Variants in CABCOCO1 observed in about 807,000 individuals in gnomAD.
CABCOCO1 encodes the protein ciliary-associated calcium-binding coiled-coil protein 1.
Under a neutral mutation model 35.7 loss-of-function variants are expected in CABCOCO1, and 28 were observed. That is an observed-to-expected ratio of 0.78 (90% CI 0.58 to 1.07). The LOEUF is 1.07. Among genes scored for constraint, CABCOCO1 ranks in the 50% least tolerant of loss-of-function variants. CABCOCO1 has a pLI of 0.00. For missense variants in CABCOCO1, 326 were observed against 309.2 expected (o/e 1.05, Z -0.41); for synonymous variants, 95 against 100.1 (o/e 0.95, Z 0.30).
Position 61,744,492 on chromosome 10 carries a change from C to T in CABCOCO1, c.553-15567C>T, listed in dbSNP as rs532130522. On this transcript the variant is annotated intron_variant, in intron 5 of 7. Coordinates refer to ENST00000648843, the MANE Select transcript of CABCOCO1 (RefSeq NM_001366906.2). ...TGTTTAAGCAAATGAACAAACATAG[C>T]ATCATTTTAATCAGGGTCATCAAGC... 1.7e-4 allele frequency among the ~76,000 whole-genome samples: 26 copies of T among 152,228 alleles called. No homozygotes were observed. The South Asian group carries it at 5.0e-3, about 29-fold the overall frequency.
rs1589161744 is a variant in CABCOCO1, at chr10:61,766,093, C to T, written c.*80C>T. 1.0e-5 allele frequency: 13 copies of T among 1,275,562 alleles called. No individual in the cohort carries two copies. Among genetic ancestry groups the T allele is most frequent in the Middle Eastern group, 1.9e-4 (1 of 5,240 alleles). The allele number at this position is 1,275,562 out of a possible 1,614,324, so 79.0% of individuals were successfully genotyped here. A position where few individuals can be genotyped will look rare whatever the true frequency, so the allele number is the denominator to read the frequency against. On this transcript the variant is annotated 3_prime_UTR_variant, in exon 8 of 8. Coordinates refer to ENST00000648843, the MANE Select transcript of CABCOCO1 (RefSeq NM_001366906.2). ...CAGAATAACAGACTCTCTGGAGCGT[C>T]GTGTCTCCATCACTTAGTTGTGAAA...
At chr10:61,692,506 C>A (rs534968175) in intron 5 of CABCOCO1, among the ~76,000 whole-genome samples, 14 of 152,234 alleles carry the variant, frequency 9.2e-5, no homozygotes, top group African/African-American at 3.1e-4. Context: ...TGGCCATAAT[C>A]AGAAATAAAC....
At chr10:61,717,156 C>G (rs1840887935) in intron 5 of CABCOCO1, among the ~76,000 whole-genome samples, 1 of 150,550 alleles carries the variant, frequency 6.6e-6, no homozygotes, top group Non-Finnish European at 1.5e-5. Context: ...ACAAAAGAGG[C>G]AAAAAAAAAT....
At chr10:61,719,593 C>A (rs1840948517) in intron 5 of CABCOCO1, among the ~76,000 whole-genome samples, 1 of 152,064 alleles carries the variant, frequency 6.6e-6, no homozygotes, top group Non-Finnish European at 1.5e-5. Flanking sequence ...TTCAAAACAG[C>A]ATCTTGTTAT....
intron 7 of CABCOCO1, among the ~76,000 whole-genome samples, chr10:61,764,866 G>A (rs1842075680): frequency 6.6e-6 from 1 of 152,110 alleles, no homozygotes; most frequent in Non-Finnish European, 1.5e-5. Context: ...CTTACTGTGA[G>A]GTGAAATCAA....
At chr10:61,710,244 G>A (rs1350005990) in intron 5 of CABCOCO1, among the ~76,000 whole-genome samples, 1 of 119,990 alleles carries the variant, frequency 8.3e-6, no homozygotes, top group Non-Finnish European at 1.7e-5. Flanking sequence ...ATTAATGTTT[G>A]TGTGTGTGAG....
At chr10:61,687,287 C>A (rs1231344006) in intron 4 of CABCOCO1, among the ~76,000 whole-genome samples, 3 of 152,104 alleles carry the variant, frequency 2.0e-5, no homozygotes, top group Non-Finnish European at 4.4e-5. Context: ...TCAATTAAAG[C>A]AAAGCAAGGT....
chr10:61,742,885 C>A (rs1346972278), intron 5 of CABCOCO1, among the ~76,000 whole-genome samples: 1 of 152,024 alleles, frequency 6.6e-6, no homozygotes, highest in African/African-American at 2.4e-5. Context: ...CTCTTCTAGT[C>A]CTGAAAAGGA....
chr10:61,677,305 T>G (rs1839543619), intron 2 of CABCOCO1, among the ~76,000 whole-genome samples: 1 of 152,138 alleles, frequency 6.6e-6, no homozygotes. Context: ...ATTGGAGTTT[T>G]GGAAAGATCT....
chr10:61,710,818 G>A (rs1840717597), intron 5 of CABCOCO1, among the ~76,000 whole-genome samples: 1 of 151,780 alleles, frequency 6.6e-6, no homozygotes, highest in Admixed American at 6.6e-5. Context: ...CCAGGATCAA[G>A]AGGACAAGAT....
At chr10:61,707,840 G>A (rs1429625114) in intron 5 of CABCOCO1, among the ~76,000 whole-genome samples, 1 of 152,048 alleles carries the variant, frequency 6.6e-6, no homozygotes, top group Non-Finnish European at 1.5e-5. Flanking sequence ...ATTATTTCAA[G>A]TTTTGCACAA....
chr10:61,750,445 G>C (rs959856414), intron 5 of CABCOCO1, among the ~76,000 whole-genome samples: 8 of 152,054 alleles, frequency 5.3e-5, no homozygotes, highest in Non-Finnish European at 1.0e-4. Flanking sequence ...GCGTGGTGGC[G>C]GGTACCTGTA....
chr10:61,733,876 A>G (rs1401972057), intron 5 of CABCOCO1, among the ~76,000 whole-genome samples: 3 of 152,068 alleles, frequency 2.0e-5, no homozygotes, highest in Non-Finnish European at 4.4e-5. Flanking sequence ...TTCAGCTAAC[A>G]TATTTACAGA....
At chr10:61,737,682 T>C (rs1172556999) in intron 5 of CABCOCO1, among the ~76,000 whole-genome samples, 3 of 152,172 alleles carry the variant, frequency 2.0e-5, no homozygotes, top group Non-Finnish European at 4.4e-5. Context: ...AAGGCTATCA[T>C]CTTTAGCAAA....
chr10:61,738,236 A>G (rs189329847), intron 5 of CABCOCO1, among the ~76,000 whole-genome samples: 3 of 152,224 alleles, frequency 2.0e-5, no homozygotes, highest in East Asian at 3.9e-4. Context: ...ACGTTCATCT[A>G]CCATCTACTC....
chr10:61,708,520 G>A (rs1045441737), intron 5 of CABCOCO1, among the ~76,000 whole-genome samples: 1 of 152,066 alleles, frequency 6.6e-6, no homozygotes, highest in Admixed American at 6.6e-5. Flanking sequence ...TAAGGCACCA[G>A]CAGATTTCTA....
At chr10:61,721,731 G>C (rs193272147) in intron 5 of CABCOCO1, among the ~76,000 whole-genome samples, 2 of 152,260 alleles carry the variant, frequency 1.3e-5, no homozygotes, top group Admixed American at 6.5e-5. Context: ...AATCCGGCTG[G>C]AAGCAGAAGA....
chr10:61,721,918 C>G (rs556976261), intron 5 of CABCOCO1, among the ~76,000 whole-genome samples: 8 of 152,272 alleles, frequency 5.3e-5, no homozygotes, highest in Non-Finnish European at 7.4e-5. Flanking sequence ...AGACAATGAA[C>G]TACAGAACCT....
intron 4 of CABCOCO1, among the ~76,000 whole-genome samples, chr10:61,686,655 A>G (rs1839975606): frequency 6.6e-6 from 1 of 152,184 alleles, no homozygotes; most frequent in African/African-American, 2.4e-5. Flanking sequence ...TCGTATTAGA[A>G]ATTGAAGAGA....
Sources: allele counts gnomAD v4.1 joint callset (sites outside exome capture counted in the v4.1 genomes callset), GRCh38; gene constraint gnomAD v4.1.1; transcripts MANE v1.5; gene names NCBI Gene and HGNC (gene_info 2026-07-23, HGNC 2026-07-21).